OSBPL10: variants seen among roughly 807,000 people sequenced by gnomAD.
The protein encoded by OSBPL10 is oxysterol binding protein like 10.
In OSBPL10, 49 loss-of-function variants were observed where a neutral mutation model predicts 81.7. That is an observed-to-expected ratio of 0.60 (90% CI 0.48 to 0.76). The LOEUF (loss-of-function observed/expected upper bound fraction) is 0.76. Among genes scored for constraint, OSBPL10 ranks in the 30% least tolerant of loss-of-function variants. OSBPL10 has a pLI of 0.00. For missense variants in OSBPL10, 923 were observed against 987.8 expected (o/e 0.93, Z 0.88); for synonymous variants, 419 against 383.6 (o/e 1.09, Z -1.08).
At chr3:31,664,465 A>C (rs1452890242) in intron 10 of OSBPL10, 1 of 581,920 alleles carries the variant, frequency 1.7e-6, no homozygotes, top group East Asian at 2.9e-5. Flanking sequence ...TGCCTTTCTC[A>C]GGGCCCGGAG....
intron 1 of OSBPL10, among the ~76,000 whole-genome samples, chr3:31,897,743 C>T (rs1328417442): frequency 2.0e-5 from 3 of 152,138 alleles, no homozygotes; most frequent in Non-Finnish European, 4.4e-5. Context: ...GGCACAGTGG[C>T]TCACGCCTGT....
At chr3:31,716,742 A>T (rs1042842560) in intron 6 of OSBPL10, among the ~76,000 whole-genome samples, 10 of 152,220 alleles carry the variant, frequency 6.6e-5, no homozygotes, top group African/African-American at 2.4e-4. Flanking sequence ...GTTGAAGAAA[A>T]TTATATTCTT....
At chr3:31,908,268 C>T (rs1039907867) in intron 1 of OSBPL10, among the ~76,000 whole-genome samples, 2 of 152,042 alleles carry the variant, frequency 1.3e-5, no homozygotes, top group African/African-American at 2.4e-5. Context: ...TAAAGGGAGA[C>T]CCCAGGAGGG....
chr3:31,805,900 A>G (rs1410776053), intron 4 of OSBPL10, among the ~76,000 whole-genome samples: 1 of 151,512 alleles, frequency 6.6e-6, no homozygotes, highest in Non-Finnish European at 1.5e-5. Flanking sequence ...CTGACAACTT[A>G]TTAAGTACCT....
intron 1 of OSBPL10, among the ~76,000 whole-genome samples, chr3:31,953,174 C>A (rs931236676): frequency 2.0e-5 from 3 of 151,854 alleles, no homozygotes; most frequent in Admixed American, 6.6e-5. Flanking sequence ...ACCTCGTGAT[C>A]CATCCACCTC....
chr3:31,881,564 G>C (rs1284839601), intron 1 of OSBPL10, among the ~76,000 whole-genome samples: 1 of 152,168 alleles, frequency 6.6e-6, no homozygotes, highest in East Asian at 1.9e-4. Context: ...AACAGGAAAA[G>C]AGAACAGCAA....
intron 3 of OSBPL10, among the ~76,000 whole-genome samples, chr3:31,857,706 T>G (rs971019438): frequency 2.0e-5 from 1 of 49,896 alleles, no homozygotes; most frequent in Admixed American, 2.4e-4. Context: ...ACCATAAATC[T>G]CTTGTTCCCC....
chr3:31,942,838 A>G (rs1390661560), intron 1 of OSBPL10, among the ~76,000 whole-genome samples: 1 of 152,246 alleles, frequency 6.6e-6, no homozygotes, highest in Admixed American at 6.5e-5. Flanking sequence ...CAAATTTTTT[A>G]AATCATAACA....
chr3:32,025,695 T>C (rs894348852), intron 2 of OSBPL10, among the ~76,000 whole-genome samples: 4 of 152,202 alleles, frequency 2.6e-5, no homozygotes, highest in Admixed American at 1.3e-4. Flanking sequence ...CTTTTCTATT[T>C]TTTCCAAGCC....
At chr3:31,663,805 C>CA in intron 11 of OSBPL10, 1 of 1,369,524 alleles carries the variant, frequency 7.3e-7, no homozygotes, top group Admixed American at 3.0e-5. Flanking sequence ...CGCGATCCCT[C>CA]ACAGGCAGGC....
At chr3:31,874,705 TA>T (rs1701406534) in intron 3 of OSBPL10, among the ~76,000 whole-genome samples, 1 of 152,166 alleles carries the variant, frequency 6.6e-6, no homozygotes. Context: ...TGAATGTTAG[TA>T]ACGCCCGTTA....
At chr3:32,011,095 G>T (rs992680288) in intron 2 of OSBPL10, among the ~76,000 whole-genome samples, 2 of 152,140 alleles carry the variant, frequency 1.3e-5, no homozygotes, top group African/African-American at 4.8e-5. Flanking sequence ...AGAGAGTAGT[G>T]GTTCTCCCAG....
At chr3:32,074,695 T>C (rs1482121694) in intron 1 of OSBPL10, among the ~76,000 whole-genome samples, 1 of 152,168 alleles carries the variant, frequency 6.6e-6, no homozygotes, top group African/African-American at 2.4e-5. Context: ...CACTTTCTCA[T>C]ATACCATGAA....
At chr3:31,734,003 C>G (rs1479043861) in intron 5 of OSBPL10, among the ~76,000 whole-genome samples, 1 of 149,774 alleles carries the variant, frequency 6.7e-6, no homozygotes, top group Non-Finnish European at 1.5e-5. Flanking sequence ...GAGCAAGACT[C>G]TGTCTCAAAA....
intron 1 of OSBPL10, among the ~76,000 whole-genome samples, chr3:31,897,864 T>G (rs1036377979): frequency 2.6e-5 from 4 of 151,486 alleles, no homozygotes; most frequent in Non-Finnish European, 4.4e-5. Flanking sequence ...AAAAATTAGC[T>G]GGGCGTGGTG....
At chr3:31,663,173 C>T in intron 11 of OSBPL10, 1 of 985,426 alleles carries the variant, frequency 1.0e-6, no homozygotes, top group Non-Finnish European at 1.2e-6. Context: ...AGCACCTGGG[C>T]TAAGGAAAGC....
At chr3:31,907,636 A>C (rs1463793405) in intron 1 of OSBPL10, among the ~76,000 whole-genome samples, 2 of 149,248 alleles carry the variant, frequency 1.3e-5, no homozygotes. Flanking sequence ...AAAAAAAAAA[A>C]AAAAAAAAAA....
intron 4 of OSBPL10, among the ~76,000 whole-genome samples, chr3:31,774,376 C>T (rs1698484253): frequency 6.6e-6 from 1 of 152,158 alleles, no homozygotes; most frequent in South Asian, 2.1e-4. Flanking sequence ...ATTGCCACAA[C>T]AACGCCCTGG....
At chr3:31,934,845 T>C (rs879533729) in intron 1 of OSBPL10, among the ~76,000 whole-genome samples, 2 of 152,198 alleles carry the variant, frequency 1.3e-5, no homozygotes, top group Non-Finnish European at 2.9e-5. Context: ...TGAGTTACAA[T>C]TGCATTCAGC....
Sources: allele counts gnomAD v4.1 joint callset (sites outside exome capture counted in the v4.1 genomes callset), GRCh38; gene constraint gnomAD v4.1.1; transcripts MANE v1.5; gene names NCBI Gene and HGNC (gene_info 2026-07-23, HGNC 2026-07-21).